HIVEP3: variants seen among roughly 807,000 people sequenced by gnomAD.
The protein encoded by HIVEP3 is transcription factor HIVEP3.
A neutral mutation model predicts 152.8 loss-of-function variants in HIVEP3; 49 were observed. That is an observed-to-expected ratio of 0.32 (90% CI 0.26 to 0.41). The LOEUF is 0.41. HIVEP3 is among the 10% of genes least tolerant of loss of function. The pLI, the probability that HIVEP3 is intolerant of heterozygous loss-of-function variation, is 1.00. For synonymous variants in HIVEP3, 1,269 were observed against 1,289.0 expected (o/e 0.98, Z 0.33); for missense variants, 2,790 against 3,103.3 (o/e 0.90, Z 2.40).
chr1:41,631,840 C>T (rs1384361785), intron 2 of HIVEP3, among the ~76,000 whole-genome samples: 1 of 152,188 alleles, frequency 6.6e-6, no homozygotes, highest in East Asian at 1.9e-4. Context: ...GTGCTCTCTT[C>T]CTCCCAGTGT....
intron 2 of HIVEP3, among the ~76,000 whole-genome samples, chr1:41,652,644 T>A (rs1300225818): frequency 6.6e-6 from 1 of 151,944 alleles, no homozygotes; most frequent in African/African-American, 2.4e-5. Flanking sequence ...TAGTGAGAAA[T>A]CATCATCAAA....
At chr1:41,555,845 G>C (rs1004127464) in intron 5 of HIVEP3, among the ~76,000 whole-genome samples, 2 of 152,098 alleles carry the variant, frequency 1.3e-5, no homozygotes, top group Non-Finnish European at 2.9e-5. Context: ...CTATGGATAC[G>C]ACTAGTCTAT....
intron 1 of HIVEP3, among the ~76,000 whole-genome samples, chr1:42,015,074 G>A (rs1171996728): frequency 1.3e-5 from 2 of 152,164 alleles, no homozygotes; most frequent in Non-Finnish European, 1.5e-5. Context: ...AAGTGAGACA[G>A]CTTCCGAGGA....
intron 1 of HIVEP3, among the ~76,000 whole-genome samples, chr1:41,991,068 AC>A (rs1436087807): frequency 6.8e-6 from 1 of 147,392 alleles, no homozygotes; most frequent in Non-Finnish European, 1.5e-5. Context: ...CAAAATTGAC[AC>A]CCTAACATCA....
intron 1 of HIVEP3, among the ~76,000 whole-genome samples, chr1:41,901,695 C>CT (rs1407896828): frequency 6.6e-6 from 1 of 152,170 alleles, no homozygotes; most frequent in East Asian, 1.9e-4. Flanking sequence ...CAGAGGTGCT[C>CT]TTTTCAGGAG....
intron 1 of HIVEP3, among the ~76,000 whole-genome samples, chr1:41,966,460 T>C (rs981882699): frequency 2.6e-4 from 39 of 147,210 alleles, no homozygotes; most frequent in African/African-American, 9.2e-4. Context: ...TCAAGACCCA[T>C]CAGTGTGCTG....
In HIVEP3 at chr1:41,581,687, C is replaced by A. The variant is rs140064266; in HGVS notation, c.3111G>T (p.Pro1037=). 3.8e-4 allele frequency: 609 copies of A among 1,613,654 alleles called. No individual in the cohort carries two copies. The highest frequency in any genetic ancestry group is 4.8e-4 in the Non-Finnish European group (561 of 1,179,874). ...CCAAGAAGCATTTTCTTCTCTCTGG[C>A]GGGGCCACCCGCGCTGGTGGAGCCA... The part of the protein sequence containing the change: ...APVAPPARVA[P]PERRKCFLVR... Residue 1037 remains proline (P), a synonymous_variant, in exon 4 of 9, where the codon CCG becomes CCT. Coordinates refer to ENST00000372583, the MANE Select transcript of HIVEP3 (RefSeq NM_024503.5). The surrounding 1 kb of genome is among the most constrained non-coding windows in gnomAD (Gnocchi z 4.5).
intron 3 of HIVEP3, among the ~76,000 whole-genome samples, chr1:41,608,833 A>G (rs1644857524): frequency 1.3e-5 from 2 of 151,436 alleles, no homozygotes; most frequent in Non-Finnish European, 1.5e-5. Context: ...GCACTTTGGG[A>G]GGCCAAGGCG....
At chr1:41,916,904 G>T (rs1206835259) in intron 1 of HIVEP3, among the ~76,000 whole-genome samples, 2 of 152,052 alleles carry the variant, frequency 1.3e-5, no homozygotes, top group Admixed American at 1.3e-4. Context: ...CTGTCTCCAG[G>T]GTGCAAGAGG....
At chr1:41,856,776 G>A (rs936174621) in intron 1 of HIVEP3, among the ~76,000 whole-genome samples, 3 of 152,142 alleles carry the variant, frequency 2.0e-5, no homozygotes, top group African/African-American at 7.2e-5. Flanking sequence ...TGTTGACGGC[G>A]CTGAAGCTTG....
intron 2 of HIVEP3, among the ~76,000 whole-genome samples, chr1:41,636,393 A>T (rs1645274249): frequency 6.6e-6 from 1 of 152,240 alleles, no homozygotes; most frequent in African/African-American, 2.4e-5. Flanking sequence ...TCTATACTTT[A>T]GTGTTGGAAA....
At chr1:41,780,485 G>A (rs980914900) in intron 1 of HIVEP3, among the ~76,000 whole-genome samples, 1 of 152,218 alleles carries the variant, frequency 6.6e-6, no homozygotes, top group Non-Finnish European at 1.5e-5. Flanking sequence ...TGGTTGTGCT[G>A]GTTTATTCTG....
chr1:41,601,282 C>A (rs1440212554), intron 3 of HIVEP3, among the ~76,000 whole-genome samples: 1 of 151,964 alleles, frequency 6.6e-6, no homozygotes, highest in Admixed American at 6.5e-5. Flanking sequence ...TCTATTTAGG[C>A]AAAGTAATGT....
At chr1:41,899,556 G>C (rs571163025) in intron 1 of HIVEP3, among the ~76,000 whole-genome samples, 5 of 152,190 alleles carry the variant, frequency 3.3e-5, no homozygotes, top group Middle Eastern at 3.4e-3. Context: ...ACAAGTGCCC[G>C]CCACTAGGTC....
rs559838501 is a variant in HIVEP3, at chr1:41,678,666, C to T, written c.-721+22250G>A. ...AAAGCAACTTGGAGAGAAACCCCAG[C>T]CCCCTTGGGCCTGAGCCCACCACAC... On this transcript the variant is annotated intron_variant, in intron 2 of 8. Coordinates refer to ENST00000372583, the MANE Select transcript of HIVEP3 (RefSeq NM_024503.5). Among the ~76,000 whole-genome samples the T allele has an allele frequency of 3.9e-4, 59 of 152,244 alleles. 1 individual carries two copies. In the South Asian group the frequency reaches 6.4e-3, roughly 17 times the overall value.
intron 1 of HIVEP3, among the ~76,000 whole-genome samples, chr1:42,024,126 A>C (rs1480062392): frequency 6.6e-6 from 1 of 152,174 alleles, no homozygotes; most frequent in Admixed American, 6.5e-5. Flanking sequence ...CTCCTTTAAA[A>C]TGTCTTAGGT....
At chr1:41,997,664 C>A (rs1645403753) in intron 1 of HIVEP3, among the ~76,000 whole-genome samples, 1 of 152,040 alleles carries the variant, frequency 6.6e-6, no homozygotes, top group African/African-American at 2.4e-5. Context: ...TCTCTAAGGA[C>A]CAAAACACCA....
At chr1:41,907,329 C>A (rs1011691853) in intron 1 of HIVEP3, among the ~76,000 whole-genome samples, 1 of 152,094 alleles carries the variant, frequency 6.6e-6, no homozygotes, top group Admixed American at 6.5e-5. Context: ...GTAGAGAGGA[C>A]AGAGGAAGCC....
intron 1 of HIVEP3, among the ~76,000 whole-genome samples, chr1:41,852,130 A>G (rs1202646739): frequency 6.6e-6 from 1 of 152,260 alleles, no homozygotes; most frequent in Non-Finnish European, 1.5e-5. Flanking sequence ...ATTTCTCGGC[A>G]TGCATCTCCA....
Sources: gnomAD v4.1 joint callset for allele counts (sites outside exome capture counted in the v4.1 genomes callset) on GRCh38, gnomAD v4.1.1 for gene constraint, Gnocchi (gnomAD v3.1) non-coding constraint, MANE v1.5 for transcripts, NCBI Gene and HGNC (gene_info 2026-07-23, HGNC 2026-07-21) for gene names.